The following AGPAT4 variants were observed in gnomAD, a reference collection of about 807,000 sequenced individuals.
The protein encoded by AGPAT4 is 1-acyl-sn-glycerol-3-phosphate acyltransferase delta.
Under a neutral mutation model 48.0 loss-of-function variants are expected in AGPAT4, and 15 were observed. The ratio of observed to expected loss-of-function variants is 0.31; its 90% CI spans 0.21 to 0.48. The LOEUF (loss-of-function observed/expected upper bound fraction) is 0.48, where lower values mean the gene tolerates loss of function less well. Ranked by LOEUF, AGPAT4 falls within the 20% of genes least tolerant of loss-of-function variation. AGPAT4 has a pLI of 0.99. For synonymous variants in AGPAT4, 178 were observed against 198.7 expected, an observed-to-expected ratio of 0.90 and a Z score of 0.88; for missense variants, 314 against 482.5, an observed-to-expected ratio of 0.65 and a Z score of 3.27.
intron 7 of AGPAT4, among the ~76,000 whole-genome samples, chr6:161,145,449 A>G (rs1779391405): frequency 6.6e-6 from 1 of 151,668 alleles, no homozygotes; most frequent in Admixed American, 6.5e-5. Flanking sequence ...GTATAAAGGC[A>G]TCATCAGGGA....
Position 161,232,023 on chromosome 6 carries a change from T to G in AGPAT4, c.178+13A>C, listed in dbSNP as rs764011490. 6.2e-7 allele frequency: 1 copy of G among 1,613,122 alleles called. No homozygotes were observed. The highest frequency in any genetic ancestry group is 8.5e-7 in the Non-Finnish European group (1 of 1,179,274). On this transcript the variant is annotated intron_variant, in intron 2 of 8. Transcript: ENST00000320285. This position sits in a 1 kb window ranked among gnomAD's most constrained non-coding sequence, Gnocchi z 6.8. ...ACAATGGAGACGAAAATATAGAATC[T>G]TAAGTATCTTACGGCTTGAGATGCA...
rs1252631647 is a variant in AGPAT4 at position 161,242,525 on chromosome 6, G to A, written c.-89-10223C>T. ...GCCCGCAGCCTCATGGGGCTGGAGG[G>A]TGCAGACCTCAGAGTAGGTACACAT... On this transcript the variant is annotated intron_variant, in intron 1 of 8. Coordinates refer to ENST00000320285, the MANE Select transcript of AGPAT4 (RefSeq NM_020133.3). This position sits in a 1 kb window ranked among gnomAD's most constrained non-coding sequence, Gnocchi z 5.0. Among the ~76,000 whole-genome samples, 2 of 152,172 alleles carry A rather than the reference G, an allele frequency of 1.3e-5. No individual in the cohort carries two copies. Among genetic ancestry groups the A allele is most frequent in the Admixed American group, 6.5e-5 (1 of 15,286 alleles).
chr6:161,160,924 G>A (rs765917251), intron 3 of AGPAT4: 9 of 442,354 alleles, frequency 2.0e-5, no homozygotes, highest in African/African-American at 4.0e-5. Flanking sequence ...GATTGGCCTC[G>A]CCCAGCACCC....
rs1361313168 is a variant in AGPAT4 at position 161,196,063 on chromosome 6, G to A, written c.179-29646C>T. Among the ~76,000 whole-genome samples the A allele has an allele frequency of 1.3e-5, 2 of 152,178 alleles. No homozygotes were observed. Among genetic ancestry groups the A allele is most frequent in the African/African-American group, 2.4e-5 (1 of 41,434 alleles). On this transcript the variant is annotated intron_variant, in intron 2 of 8. Coordinates refer to ENST00000320285, the MANE Select transcript of AGPAT4 (RefSeq NM_020133.3). This position sits in a 1 kb window ranked among gnomAD's most constrained non-coding sequence, Gnocchi z 4.3. Reference sequence around the variant, plus strand: ...GACTTTAGGATTTGCATAACTTAATGAGGCTTAATGACCCACCATCCCAAG... The same window carrying A: ...GACTTTAGGATTTGCATAACTTAATAAGGCTTAATGACCCACCATCCCAAG...
At chr6:161,237,378 A>G (rs907468134) in intron 1 of AGPAT4, among the ~76,000 whole-genome samples, 2 of 152,252 alleles carry the variant, frequency 1.3e-5, no homozygotes, top group South Asian at 2.1e-4. Flanking sequence ...GTAGGTAACC[A>G]TCATTAACAT....
intron 1 of AGPAT4, among the ~76,000 whole-genome samples, chr6:161,248,549 G>A (rs1352507558): frequency 6.9e-6 from 1 of 145,964 alleles, no homozygotes; most frequent in African/African-American, 2.6e-5. Flanking sequence ...ACTCCAGCCT[G>A]GGTGACAGCG....
chr6:161,211,852 C>A (rs2115019094), intron 2 of AGPAT4, among the ~76,000 whole-genome samples: 1 of 152,204 alleles, frequency 6.6e-6, no homozygotes, highest in African/African-American at 2.4e-5. Context: ...ATTAAAGCCC[C>A]ATCTTCAGGT....
rs1781246548 is a variant in AGPAT4, at chr6:161,201,807, G to A, written c.178+30229C>T. On this transcript the variant is annotated intron_variant, in intron 2 of 8. Coordinates refer to ENST00000320285, the MANE Select transcript of AGPAT4 (RefSeq NM_020133.3). The surrounding 1 kb of genome is among the most constrained non-coding windows in gnomAD (Gnocchi z 6.0). ...TGGCTCTCTTCATTCTCTAACCAGT[G>A]CAAGAGGAAGTCCCATTTCACAGAC... Among the ~76,000 whole-genome samples, 1 of 152,206 alleles carries A rather than the reference G, an allele frequency of 6.6e-6. No individual in the cohort carries two copies. The highest frequency in any genetic ancestry group is 6.5e-5 in the Admixed American group (1 of 15,284).
In AGPAT4 at chr6:161,217,798, C is replaced by G. The variant is rs2115023828; in HGVS notation, c.178+14238G>C. On this transcript the variant is annotated intron_variant, in intron 2 of 8. Coordinates refer to ENST00000320285, the MANE Select transcript of AGPAT4 (RefSeq NM_020133.3). The surrounding 1 kb of genome is among the most constrained non-coding windows in gnomAD (Gnocchi z 4.9). Reference sequence around the variant, plus strand: ...AAACCTCCTCCCCTGACCCCGCCTGCCCAGGCCACTGCCCTGGGACAGGAC... The same window carrying G: ...AAACCTCCTCCCCTGACCCCGCCTGGCCAGGCCACTGCCCTGGGACAGGAC... Among the ~76,000 whole-genome samples, 1 of 152,332 alleles carries G rather than the reference C, an allele frequency of 6.6e-6. No individual in the cohort carries two copies. Among genetic ancestry groups the G allele is most frequent in the African/African-American group, 2.4e-5 (1 of 41,584 alleles).
At position 161,178,100 on chromosome 6, in the gene AGPAT4, G is replaced by A. The variant is rs545289528; in HGVS notation, c.179-11683C>T. On this transcript the variant is annotated intron_variant, in intron 2 of 8. Coordinates refer to ENST00000320285, the MANE Select transcript of AGPAT4 (RefSeq NM_020133.3). This position sits in a 1 kb window ranked among gnomAD's most constrained non-coding sequence, Gnocchi z 5.1. ...CCCAGTTAGGCTACTCGGGGGTCAG[G>A]GACCCACTTGAGGAGGCAGTCTGTC... Among the ~76,000 whole-genome samples, 2 of 152,184 alleles carry A rather than the reference G, an allele frequency of 1.3e-5. No homozygotes were observed. Among genetic ancestry groups the A allele is most frequent in the South Asian group, 4.1e-4 (2 of 4,832 alleles).
chr6:161,215,358 T>C lies in AGPAT4; in HGVS notation c.178+16678A>G, dbSNP rs959929726. 6.6e-6 allele frequency among the ~76,000 whole-genome samples: 1 copy of C among 152,212 alleles called. No homozygotes were observed. Among genetic ancestry groups the C allele is most frequent in the African/African-American group, 2.4e-5 (1 of 41,454 alleles). On this transcript the variant is annotated intron_variant, in intron 2 of 8. Coordinates refer to ENST00000320285, the MANE Select transcript of AGPAT4 (RefSeq NM_020133.3). The surrounding 1 kb of genome is among the most constrained non-coding windows in gnomAD (Gnocchi z 4.5). ...ATATTTGTGCTGAATCTCAAGGTTT[T>C]TGAGGCCATGGCTCATTCCTTCTCT...
chr6:161,172,125 CA>C (rs1780283188), intron 2 of AGPAT4, among the ~76,000 whole-genome samples: 2 of 152,132 alleles, frequency 1.3e-5, no homozygotes, highest in Admixed American at 1.3e-4. Flanking sequence ...AACAATGCAT[CA>C]AATCAGAATA....
At chr6:161,237,931 C>G (rs1465599895) in intron 1 of AGPAT4, among the ~76,000 whole-genome samples, 1 of 152,000 alleles carries the variant, frequency 6.6e-6, no homozygotes, top group Admixed American at 6.6e-5. Flanking sequence ...GAGGAGGGAC[C>G]ACAGGGTTGG....
In AGPAT4 at chr6:161,147,939, A is replaced by G. The variant is rs1014183783; in HGVS notation, c.767+1248T>C. On this transcript the variant is annotated intron_variant, in intron 6 of 8. Coordinates refer to ENST00000320285, the MANE Select transcript of AGPAT4 (RefSeq NM_020133.3). The surrounding 1 kb of genome is among the most constrained non-coding windows in gnomAD (Gnocchi z 4.8). ...ATGTGTGTTGAATAGCATCAATGCT[A>G]ACCTTCCTCTGGGGTCAAGAGGGTG... is the stretch of plus-strand genomic sequence containing the variant. Among the ~76,000 whole-genome samples, 1 of 152,226 alleles carries G rather than the reference A, an allele frequency of 6.6e-6. No individual in the cohort carries two copies. Among genetic ancestry groups the G allele is most frequent in the African/African-American group, 2.4e-5 (1 of 41,464 alleles).
At chr6:161,268,658 C>T (rs1783335447) in intron 1 of AGPAT4, among the ~76,000 whole-genome samples, 1 of 152,206 alleles carries the variant, frequency 6.6e-6, no homozygotes. Flanking sequence ...TTATTAGGAA[C>T]AGCTTCATGC....
chr6:161,162,443 A>C (rs1242193311), intron 3 of AGPAT4, among the ~76,000 whole-genome samples: 1 of 152,188 alleles, frequency 6.6e-6, no homozygotes, highest in Non-Finnish European at 1.5e-5. Flanking sequence ...TGCAGTTGCC[A>C]TATTCCGGGA....
At chr6:161,273,119 C>T (rs964975318) in intron 1 of AGPAT4, among the ~76,000 whole-genome samples, 1 of 152,152 alleles carries the variant, frequency 6.6e-6, no homozygotes, top group Admixed American at 6.5e-5. Flanking sequence ...AATTAATTCC[C>T]CCTTAGCTTG....
chr6:161,220,021 C>T lies in AGPAT4; in HGVS notation c.178+12015G>A, dbSNP rs1456431306. Among the ~76,000 whole-genome samples, 1 of 151,936 alleles carries T rather than the reference C, an allele frequency of 6.6e-6. No individual in the cohort carries two copies. The highest frequency in any genetic ancestry group is 1.5e-5 in the Non-Finnish European group (1 of 68,004). ...TAAATGGATTATTACTCAAAATACA[C>T]AAGGCTTGCTATCACAGTTACATTA... On this transcript the variant is annotated intron_variant, in intron 2 of 8. Transcript: ENST00000320285. The surrounding 1 kb of genome is among the most constrained non-coding windows in gnomAD (Gnocchi z 6.0).
chr6:161,192,600 T>C (rs927969949), intron 2 of AGPAT4, among the ~76,000 whole-genome samples: 3 of 152,264 alleles, frequency 2.0e-5, no homozygotes, highest in Admixed American at 2.0e-4. Flanking sequence ...TATCCACGTA[T>C]CACCTTTTTT....
Sources: allele counts gnomAD v4.1 joint callset (sites outside exome capture counted in the v4.1 genomes callset), GRCh38; gene constraint gnomAD v4.1.1; non-coding constraint Gnocchi (gnomAD v3.1); transcripts MANE v1.5; gene names NCBI Gene and HGNC (gene_info 2026-07-23, HGNC 2026-07-21).